Variants in MYLK4 observed in about 807,000 individuals in gnomAD.
MYLK4 encodes myosin light chain kinase family member 4.
In MYLK4, 46 loss-of-function variants were observed where a neutral mutation model predicts 48.1. The ratio of observed to expected loss-of-function variants is 0.96; its 90% confidence interval spans 0.75 to 1.22. MYLK4 has a LOEUF of 1.22. Among genes scored for constraint, MYLK4 ranks in the 50% most tolerant of loss-of-function variants. The probability of loss-of-function intolerance (pLI) is 0.00; values close to 1 mark genes in which losing one functional copy is unlikely to be tolerated. For missense variants in MYLK4, 451 were observed against 486.1 expected, an observed-to-expected ratio of 0.93 and a Z score of 0.68; for synonymous variants, 170 against 180.8, an observed-to-expected ratio of 0.94 and a Z score of 0.48.
chr6:2,760,136 T>C, the MYLK4 span, among the ~76,000 whole-genome samples: 7 of 152,320 alleles, frequency 4.6e-5, no homozygotes, highest in East Asian at 1.3e-3. Context: ...CATATGTGCA[T>C]AGGTTACAAA....
At chr6:2,733,936 G>C (rs1295649596) in intron 2 of MYLK4, among the ~76,000 whole-genome samples, 1 of 151,920 alleles carries the variant, frequency 6.6e-6, no homozygotes, top group African/African-American at 2.4e-5. Context: ...TCTCATCCCC[G>C]ATACATAAAT....
chr6:2,770,264 A>T, the MYLK4 span: 1,179 of 1,614,152 alleles, frequency 7.3e-4, no homozygotes, highest in Non-Finnish European at 9.4e-4. Flanking sequence ...GGCAATGGTG[A>T]CTATTTTAAT....
the MYLK4 span, among the ~76,000 whole-genome samples, chr6:2,762,599 G>C: frequency 1.3e-5 from 2 of 152,214 alleles, no homozygotes; most frequent in African/African-American, 4.8e-5. Context: ...CCTAAAACTT[G>C]TTTTGCAAGT....
chr6:2,675,079 C>A lies in MYLK4; in HGVS notation c.1087G>T (p.Asp363Tyr), dbSNP rs1407267677. The part of the protein sequence containing the change: ...SEALKHPWLS[D>Y]HKLHSRLNAQ... ...TTGAGTCTGGAGTGGAGCTTGTGGT[C>A]TGACAACCAGGGGTGCTTGAGAGCT... Residue 363 changes from aspartate (D) to tyrosine (Y), a missense_variant, in exon 11 of 13, where the codon GAC (aspartate) becomes TAC (tyrosine). Transcript: ENST00000274643. 6.2e-7 allele frequency: 1 copy of A among 1,614,072 alleles called. No homozygotes were observed. The highest frequency in any genetic ancestry group is 1.1e-5 in the South Asian group (1 of 91,064).
At chr6:2,700,911 A>G (rs1044355626) in intron 2 of MYLK4, among the ~76,000 whole-genome samples, 2 of 152,218 alleles carry the variant, frequency 1.3e-5, no homozygotes, top group African/African-American at 2.4e-5. Context: ...GCGTAAAAGT[A>G]TATCTAAAAA....
chr6:2,760,490 T>C, the MYLK4 span, among the ~76,000 whole-genome samples: 1 of 152,222 alleles, frequency 6.6e-6, no homozygotes, highest in South Asian at 2.1e-4. Flanking sequence ...TCAAATTCAA[T>C]TTCTAGCCCC....
intron 2 of MYLK4, among the ~76,000 whole-genome samples, chr6:2,693,885 G>C (rs1465806031): frequency 6.6e-6 from 1 of 151,728 alleles, no homozygotes; most frequent in Non-Finnish European, 1.5e-5. Context: ...AGCCTCCTGA[G>C]TAGCTGGGAC....
intron 10 of MYLK4, 68 bp downstream of exon 10, chr6:2,678,152 C>T (rs375072342): frequency 2.6e-6 from 4 of 1,560,526 alleles, no homozygotes; most frequent in African/African-American, 1.4e-5. Context: ...ATTCGAACAG[C>T]CCTGGTGGTA....
chr6:2,689,479 T>C (rs1416786108), intron 3 of MYLK4, among the ~76,000 whole-genome samples: 1 of 152,272 alleles, frequency 6.6e-6, no homozygotes, highest in Non-Finnish European at 1.5e-5. Flanking sequence ...GGCACAAAGA[T>C]GAATTTTTCC....
chr6:2,713,613 G>A (rs1483623176), intron 2 of MYLK4, among the ~76,000 whole-genome samples: 2 of 152,088 alleles, frequency 1.3e-5, no homozygotes, highest in Non-Finnish European at 2.9e-5. Context: ...CTCCCTTTAC[G>A]TAACAGGAGG....
intron 12 of MYLK4, among the ~76,000 whole-genome samples, chr6:2,671,055 G>A (rs1380413199): frequency 2.0e-5 from 3 of 151,986 alleles, no homozygotes; most frequent in Non-Finnish European, 2.9e-5. Flanking sequence ...ACAAGCTTAG[G>A]AAGTGAGACT....
intron 7 of MYLK4, among the ~76,000 whole-genome samples, chr6:2,682,047 T>C (rs111960160): frequency 2.4e-4 from 37 of 152,228 alleles, no homozygotes; most frequent in African/African-American, 8.4e-4. Flanking sequence ...CAAAAGTGAA[T>C]GGGAAAGGCA....
chr6:2,694,578 C>CTGGTGGTGG (rs74207680), intron 2 of MYLK4, among the ~76,000 whole-genome samples: 1 of 46,220 alleles, frequency 2.2e-5, no homozygotes, highest in East Asian at 7.3e-4. Context: ...GGTAGTGCTG[C>CTGGTGGTGG]TGGTGGTGGT....
chr6:2,703,626 A>AT (rs1762379799), intron 2 of MYLK4, among the ~76,000 whole-genome samples: 1 of 136,554 alleles, frequency 7.3e-6, no homozygotes, highest in Admixed American at 7.3e-5. Flanking sequence ...CCTACCCATT[A>AT]TTCAAGACCC....
chr6:2,696,337 C>T (rs1762059051), intron 2 of MYLK4, among the ~76,000 whole-genome samples: 1 of 152,200 alleles, frequency 6.6e-6, no homozygotes, highest in African/African-American at 2.4e-5. Flanking sequence ...AATGTATCCC[C>T]CCCGACGATA....
At chr6:2,757,267 G>C in the MYLK4 span, among the ~76,000 whole-genome samples, 1 of 151,962 alleles carries the variant, frequency 6.6e-6, no homozygotes, top group Non-Finnish European at 1.5e-5. Flanking sequence ...AAGAATCTGG[G>C]GTACAAAAGG....
At chr6:2,744,553 G>T (rs1418421489) in intron 2 of MYLK4, among the ~76,000 whole-genome samples, 4 of 152,168 alleles carry the variant, frequency 2.6e-5, no homozygotes, top group Admixed American at 1.3e-4. Flanking sequence ...CAATTTCACA[G>T]CAGATGGTCA....
At chr6:2,762,201 TTCTA>T in the MYLK4 span, among the ~76,000 whole-genome samples, 256 of 152,302 alleles carry the variant, frequency 1.7e-3, 1 homozygote, top group African/African-American at 4.9e-3. Context: ...TTTATATTAA[TTCTA>T]TCTCTCTTAA....
the MYLK4 span, chr6:2,770,005 C>G: frequency 6.8e-7 from 1 of 1,461,546 alleles, no homozygotes; most frequent in African/African-American, 1.4e-5. Context: ...GCTGCTATTC[C>G]TGAACTCGAA....
Sources: allele counts gnomAD v4.1 joint callset (sites outside exome capture counted in the v4.1 genomes callset), GRCh38; gene constraint gnomAD v4.1.1; transcripts MANE v1.5; gene names NCBI Gene and HGNC (gene_info 2026-07-23, HGNC 2026-07-21).